The following ZMAT4 variants were observed in gnomAD, a reference collection of about 807,000 sequenced individuals.
ZMAT4 encodes zinc finger matrin-type 4, also known as zinc finger matrin-type protein 4.
Under a neutral mutation model 28.7 loss-of-function variants are expected in ZMAT4, and 17 were observed. That is an observed-to-expected ratio of 0.59 (90% CI 0.41 to 0.89). ZMAT4 has a LOEUF of 0.89. ZMAT4 is among the 40% of genes least tolerant of loss of function. The pLI is 0.00. For synonymous variants in ZMAT4, 117 were observed against 109.2 expected (o/e 1.07, Z -0.44); for missense variants, 240 against 283.8 (o/e 0.85, Z 1.11).
intron 6 of ZMAT4, among the ~76,000 whole-genome samples, chr8:40,571,094 T>A (rs1331827220): frequency 6.6e-6 from 1 of 152,166 alleles, no homozygotes; most frequent in East Asian, 1.9e-4. Context: ...GACAAAATAA[T>A]GATTATAGGT....
intron 5 of ZMAT4, among the ~76,000 whole-genome samples, chr8:40,641,520 G>C (rs192035716): frequency 6.6e-6 from 1 of 152,176 alleles, no homozygotes; most frequent in Non-Finnish European, 1.5e-5. Flanking sequence ...TATTTTTTAA[G>C]CTACTGTATT....
chr8:40,726,900 G>A (rs575446671), intron 3 of ZMAT4, among the ~76,000 whole-genome samples: 3 of 152,290 alleles, frequency 2.0e-5, no homozygotes, highest in Admixed American at 6.5e-5. Flanking sequence ...TTTGACTAAG[G>A]TAAAGGTCTC....
At chr8:40,853,135 G>A (rs1050831118) in intron 1 of ZMAT4, among the ~76,000 whole-genome samples, 2 of 152,108 alleles carry the variant, frequency 1.3e-5, no homozygotes, top group Non-Finnish European at 2.9e-5. Flanking sequence ...TCAAACAATT[G>A]CATTAAGTGT....
chr8:40,756,981 T>A (rs1268593068), intron 3 of ZMAT4, among the ~76,000 whole-genome samples: 1 of 152,120 alleles, frequency 6.6e-6, no homozygotes, highest in Non-Finnish European at 1.5e-5. Flanking sequence ...TTAATGCATG[T>A]CTTTTCTCCC....
chr8:40,746,316 C>T lies in ZMAT4; in HGVS notation c.192+21325G>A, dbSNP rs1164805374. On this transcript the variant is annotated intron_variant, in intron 3 of 6. Coordinates refer to ENST00000297737, the MANE Select transcript of ZMAT4 (RefSeq NM_024645.3). ...TTTCTTTCTCCCTTCCTTTCCTTTCCTTTCCTTTCCTTTCCTTTCCTTTCC... is the reference window on the plus strand; with the variant it reads ...TTTCTTTCTCCCTTCCTTTCCTTTCTTTTCCTTTCCTTTCCTTTCCTTTCC... Among the ~76,000 whole-genome samples the T allele has an allele frequency of 4.9e-5, 6 of 122,104 alleles. No homozygotes were observed. In the Admixed American group the frequency reaches 5.9e-4, roughly 12 times the overall value. 80.1% of individuals were successfully genotyped at this position (122,104 alleles called of 152,430 possible). A position where few individuals can be genotyped will look rare whatever the true frequency, so the allele number is the denominator to read the frequency against.
chr8:40,647,509 A>G (rs1807390599), intron 5 of ZMAT4, among the ~76,000 whole-genome samples: 1 of 152,082 alleles, frequency 6.6e-6, no homozygotes, highest in Non-Finnish European at 1.5e-5. Flanking sequence ...AGGGGCGCCC[A>G]CCATTGCCCA....
At chr8:40,723,055 T>C (rs1422659887) in intron 3 of ZMAT4, among the ~76,000 whole-genome samples, 1 of 152,112 alleles carries the variant, frequency 6.6e-6, no homozygotes, top group Non-Finnish European at 1.5e-5. Flanking sequence ...GAAAATGTCT[T>C]CTCAATGCAG....
intron 3 of ZMAT4, among the ~76,000 whole-genome samples, chr8:40,741,667 GCAGGGCAGCAA>G (rs1812010085): frequency 6.6e-6 from 1 of 152,162 alleles, no homozygotes; most frequent in Non-Finnish European, 1.5e-5. Context: ...CCATCTTTCT[GCAGGGCAGCAA>G]GGGCAGCCTG....
At chr8:40,877,483 T>A (rs1481875418) in intron 1 of ZMAT4, among the ~76,000 whole-genome samples, 4 of 152,202 alleles carry the variant, frequency 2.6e-5, no homozygotes, top group Non-Finnish European at 5.9e-5. Flanking sequence ...CTCTGCCCTC[T>A]GAAGACAGGA....
rs1003042241 is a variant in ZMAT4, at chr8:40,531,165, C to T, written c.*1058G>A. ...AAAGAATTAAACCTAGAGAAAGAGC[C>T]TCATGATCTGCACTCAGACGCTCCC... On this transcript the variant is annotated 3_prime_UTR_variant, in exon 7 of 7. Coordinates refer to ENST00000297737, the MANE Select transcript of ZMAT4 (RefSeq NM_024645.3). 2.6e-5 allele frequency: 4 copies of T among 152,230 alleles called. No individual in the cohort carries two copies. Among genetic ancestry groups the T allele is most frequent in the African/African-American group, 9.7e-5 (4 of 41,424 alleles). The allele number at this position is 152,230 out of a possible 1,614,324, so 9.4% of individuals were successfully genotyped here.
chr8:40,700,906 G>A (rs1166793447), intron 3 of ZMAT4, among the ~76,000 whole-genome samples: 1 of 152,210 alleles, frequency 6.6e-6, no homozygotes, highest in Non-Finnish European at 1.5e-5. Context: ...CTCATTGATA[G>A]TGAGGAGCCA....
At chr8:40,663,136 C>T (rs1226666647) in intron 5 of ZMAT4, among the ~76,000 whole-genome samples, 1 of 152,168 alleles carries the variant, frequency 6.6e-6, no homozygotes, top group East Asian at 1.9e-4. Context: ...TCAGCCTTCT[C>T]TTACCTTCAT....
Position 40,892,035 on chromosome 8 carries a change from C to T in ZMAT4, c.-5+5648G>A, listed in dbSNP as rs139356144. On this transcript the variant is annotated intron_variant, in intron 1 of 6. Transcript: ENST00000297737. ...CTTCACTGACAGCCTGCCTTTGGGT[C>T]CGGAGCTAGGCCACCACGTGTGTGG... Among the ~76,000 whole-genome samples, 940 of 152,274 alleles carry T rather than the reference C, an allele frequency of 6.2e-3. 9 individuals are homozygous for T. Among genetic ancestry groups the T allele is most frequent in the Non-Finnish European group, 8.1e-3 (549 of 68,024 alleles).
chr8:40,627,316 T>G (rs374249923), intron 5 of ZMAT4, among the ~76,000 whole-genome samples: 2 of 152,188 alleles, frequency 1.3e-5, no homozygotes, highest in African/African-American at 4.8e-5. Context: ...CAAATATATC[T>G]GTAGCGTAGC....
At chr8:40,760,883 A>G (rs1362836298) in intron 3 of ZMAT4, among the ~76,000 whole-genome samples, 1 of 152,140 alleles carries the variant, frequency 6.6e-6, no homozygotes, top group Non-Finnish European at 1.5e-5. Context: ...ATTGACAGCT[A>G]TGGTCAGCTA....
At chr8:40,538,088 G>T (rs559033971) in intron 6 of ZMAT4, among the ~76,000 whole-genome samples, 2 of 152,184 alleles carry the variant, frequency 1.3e-5, no homozygotes, top group Non-Finnish European at 2.9e-5. Context: ...GGAAATAGGA[G>T]TCGGACTTGC....
intron 3 of ZMAT4, among the ~76,000 whole-genome samples, chr8:40,761,200 C>T (rs1236013240): frequency 6.6e-6 from 1 of 152,168 alleles, no homozygotes; most frequent in African/African-American, 2.4e-5. Flanking sequence ...TAGCTATCCA[C>T]AAGAGATCCA....
intron 1 of ZMAT4, among the ~76,000 whole-genome samples, chr8:40,887,173 A>T (rs936425504): frequency 2.0e-5 from 3 of 148,962 alleles, no homozygotes; most frequent in African/African-American, 7.4e-5. Flanking sequence ...TCCGTCTCAA[A>T]AAAAAAAAAA....
chr8:40,646,130 T>C (rs918043934), intron 5 of ZMAT4, among the ~76,000 whole-genome samples: 3 of 151,970 alleles, frequency 2.0e-5, no homozygotes, highest in African/African-American at 7.2e-5. Context: ...TTTTATATAT[T>C]CTGAAAATTT....
Sources: allele counts gnomAD v4.1 joint callset (sites outside exome capture counted in the v4.1 genomes callset), GRCh38; gene constraint gnomAD v4.1.1; transcripts MANE v1.5; gene names NCBI Gene and HGNC (gene_info 2026-07-23, HGNC 2026-07-21).